WWOX: variants seen among roughly 807,000 people sequenced by gnomAD.
WWOX encodes the protein WW domain-containing oxidoreductase.
WWOX carries 69 observed loss-of-function variants against 46.2 expected under a neutral mutation model. That is an observed-to-expected ratio of 1.49 (90% CI 1.23 to 1.82). The LOEUF (loss-of-function observed/expected upper bound fraction) is 1.82, where lower values mean the gene tolerates loss of function less well. Ranked by LOEUF, WWOX falls within the 40% of genes most tolerant of loss-of-function variation. The probability of loss-of-function intolerance (pLI) is 0.00; values close to 1 mark genes in which losing one functional copy is unlikely to be tolerated. For synonymous variants in WWOX, 359 were observed against 202.6 expected, an observed-to-expected ratio of 1.77 and a Z score of -6.56; for missense variants, 919 against 542.6, an observed-to-expected ratio of 1.69 and a Z score of -6.89.
chr16:78,745,522 C>CTTTTTTTTT (rs5818168), intron 8 of WWOX, among the ~76,000 whole-genome samples: 60 of 92,736 alleles, frequency 6.5e-4, no homozygotes, highest in African/African-American at 1.8e-3. Flanking sequence ...TGTGGAAATC[C>CTTTTTTTTT]TTTTTTTTTT....
intron 5 of WWOX, among the ~76,000 whole-genome samples, chr16:78,238,392 C>T (rs111885986): frequency 7.0e-4 from 107 of 152,078 alleles, no homozygotes; most frequent in African/African-American, 2.5e-3. Flanking sequence ...CTCGACCTCC[C>T]GGGCTCAGGC....
intron 8 of WWOX, among the ~76,000 whole-genome samples, chr16:78,831,554 G>C (rs1005042855): frequency 1.3e-5 from 2 of 152,198 alleles, no homozygotes; most frequent in Non-Finnish European, 2.9e-5. Flanking sequence ...GCCAGCATCA[G>C]TGACCTGCAC....
At chr16:79,147,254 C>A (rs1014327724) in intron 8 of WWOX, among the ~76,000 whole-genome samples, 1 of 152,186 alleles carries the variant, frequency 6.6e-6, no homozygotes, top group Non-Finnish European at 1.5e-5. Context: ...CTTCCTTCTG[C>A]GCCTGCCTCA....
chr16:78,184,556 A>G (rs370677296), intron 5 of WWOX, among the ~76,000 whole-genome samples: 2 of 148,800 alleles, frequency 1.3e-5, no homozygotes, highest in African/African-American at 4.8e-5. Context: ...ACCGAGATCT[A>G]TTTTTTCCCC....
chr16:79,078,835 G>A (rs1597354336), intron 8 of WWOX, among the ~76,000 whole-genome samples: 1 of 152,174 alleles, frequency 6.6e-6, no homozygotes, highest in Non-Finnish European at 1.5e-5. Flanking sequence ...AACGGTTAAA[G>A]TGACATGGTC....
intron 8 of WWOX, among the ~76,000 whole-genome samples, chr16:78,630,851 G>C (rs139799546): frequency 1.2e-4 from 17 of 147,586 alleles, no homozygotes; most frequent in African/African-American, 3.4e-4. Context: ...CTGGGTGAAT[G>C]AACGAAAGAG....
intron 8 of WWOX, among the ~76,000 whole-genome samples, chr16:79,160,910 A>G (rs1597433194): frequency 6.6e-6 from 1 of 152,288 alleles, no homozygotes; most frequent in Non-Finnish European, 1.5e-5. Context: ...CATACAATAC[A>G]TATATTCTGA....
In WWOX at chr16:78,709,332, A is replaced by G. The variant is rs566254810; in HGVS notation, c.1056+276580A>G. Reference sequence around the variant, plus strand: ...TTTAACTTACGTAGTGATCACAGAGAGAAGCTTGTTGGAGTTGTCTGGCTG... The same window carrying G: ...TTTAACTTACGTAGTGATCACAGAGGGAAGCTTGTTGGAGTTGTCTGGCTG... On this transcript the variant is annotated intron_variant, in intron 8 of 8. Transcript: ENST00000566780. 3.3e-5 allele frequency among the ~76,000 whole-genome samples: 5 copies of G among 152,340 alleles called. No homozygotes were observed. In the South Asian group the frequency reaches 8.3e-4, roughly 25 times the overall value.
At chr16:78,923,790 GTTAGTT>G (rs2045433606) in intron 8 of WWOX, among the ~76,000 whole-genome samples, 1 of 84,328 alleles carries the variant, frequency 1.2e-5, no homozygotes, top group Non-Finnish European at 2.5e-5. Flanking sequence ...ACTGTTTTTA[GTTAGTT>G]TTTTTTTTTT....
chr16:79,029,946 G>T (rs1053877558), intron 8 of WWOX, among the ~76,000 whole-genome samples: 1 of 152,172 alleles, frequency 6.6e-6, no homozygotes, highest in Non-Finnish European at 1.5e-5. Context: ...AAGAGCCGTT[G>T]TGTTTTATAA....
chr16:78,780,907 G>T (rs889954314), intron 8 of WWOX, among the ~76,000 whole-genome samples: 1 of 152,158 alleles, frequency 6.6e-6, no homozygotes, highest in Non-Finnish European at 1.5e-5. Flanking sequence ...TGGCTGCCTT[G>T]GGGAGCATGG....
intron 8 of WWOX, among the ~76,000 whole-genome samples, chr16:78,776,256 C>G (rs554482978): frequency 2.5e-4 from 38 of 152,166 alleles, no homozygotes; most frequent in Admixed American, 7.9e-4. Flanking sequence ...GCACAGGCTA[C>G]ATTGGCTTGG....
chr16:78,907,219 A>G (rs1194832078), intron 8 of WWOX, among the ~76,000 whole-genome samples: 1 of 152,054 alleles, frequency 6.6e-6, no homozygotes, highest in Non-Finnish European at 1.5e-5. Context: ...TGTGCCCTGA[A>G]TCCGCTTCTG....
At chr16:79,032,338 G>GTATGTAATATATAATATATTC (rs1182306703) in intron 8 of WWOX, among the ~76,000 whole-genome samples, 4 of 145,028 alleles carry the variant, frequency 2.8e-5, no homozygotes, top group South Asian at 2.1e-4. Context: ...ATATTATAAT[G>GTATGTAATATATAATATATTC]TATGTAATAT....
intron 8 of WWOX, among the ~76,000 whole-genome samples, chr16:78,819,028 T>A (rs1476706885): frequency 1.3e-5 from 2 of 152,004 alleles, no homozygotes; most frequent in Non-Finnish European, 2.9e-5. Flanking sequence ...GTTGAGAAAA[T>A]TAAATGGAAA....
At chr16:78,955,167 C>A (rs987632489) in intron 8 of WWOX, among the ~76,000 whole-genome samples, 1 of 152,158 alleles carries the variant, frequency 6.6e-6, no homozygotes, top group African/African-American at 2.4e-5. Flanking sequence ...TTAGGGTCAC[C>A]TGGAGGAGAG....
At chr16:78,441,738 G>C (rs2083448904) in intron 8 of WWOX, among the ~76,000 whole-genome samples, 1 of 152,098 alleles carries the variant, frequency 6.6e-6, no homozygotes, top group Admixed American at 6.6e-5. Context: ...GGCTTGTCTT[G>C]AGAATTAAAG....
intron 8 of WWOX, among the ~76,000 whole-genome samples, chr16:78,444,715 A>T (rs1597094885): frequency 6.6e-6 from 1 of 152,104 alleles, no homozygotes; most frequent in East Asian, 1.9e-4. Flanking sequence ...TATTCTTAGT[A>T]GAGACGAGGT....
intron 8 of WWOX, among the ~76,000 whole-genome samples, chr16:78,495,086 GC>G (rs1446659373): frequency 6.6e-6 from 1 of 151,374 alleles, no homozygotes; most frequent in Non-Finnish European, 1.5e-5. Context: ...AATTATTTAA[GC>G]TGCATCTGTG....
Sources: allele counts gnomAD v4.1 joint callset (sites outside exome capture counted in the v4.1 genomes callset), GRCh38; gene constraint gnomAD v4.1.1; transcripts MANE v1.5; gene names NCBI Gene and HGNC (gene_info 2026-07-23, HGNC 2026-07-21).